Variants in FOXK1 observed in about 807,000 individuals in gnomAD.
FOXK1 encodes the protein forkhead box K1.
A neutral mutation model predicts 51.9 loss-of-function variants in FOXK1; 19 were observed. The ratio of observed to expected loss-of-function variants is 0.37; its 90% CI spans 0.26 to 0.54. The LOEUF (loss-of-function observed/expected upper bound fraction) is 0.54. Among genes scored for constraint, FOXK1 ranks in the 20% least tolerant of loss-of-function variants. FOXK1 has a pLI of 0.87. For synonymous variants in FOXK1, 537 were observed against 482.6 expected (o/e 1.11, Z -1.48); for missense variants, 870 against 1,032.7 (o/e 0.84, Z 2.16).
intron 1 of FOXK1, among the ~76,000 whole-genome samples, chr7:4,705,683 C>T (rs1479908294): frequency 6.6e-6 from 1 of 151,560 alleles, no homozygotes; most frequent in Admixed American, 6.6e-5. Flanking sequence ...ACTATACAGG[C>T]TTGTGCCACC....
At position 4,735,409 on chromosome 7, in the gene FOXK1, G is replaced by GT. The variant is rs1454859617; in HGVS notation, c.561-5425dup. Among the ~76,000 whole-genome samples the GT allele has an allele frequency of 6.6e-6, 1 of 152,196 alleles. No homozygotes were observed. Among genetic ancestry groups the GT allele is most frequent in the Non-Finnish European group, 1.5e-5 (1 of 68,040 alleles). ...ACCCTTTCCATTGTTCCAGTCCGTG[G>GT]TTTTCAGCGCATTCGCAGAGTTGCG... On this transcript the variant is annotated intron_variant, in intron 1 of 8. Transcript: ENST00000328914. The surrounding 1 kb of genome is among the most constrained non-coding windows in gnomAD (Gnocchi z 4.7).
intron 1 of FOXK1, among the ~76,000 whole-genome samples, chr7:4,728,747 A>AAG (rs1780412955): frequency 6.6e-6 from 1 of 151,266 alleles, no homozygotes; most frequent in Non-Finnish European, 1.5e-5. Flanking sequence ...AAAAAAAAAA[A>AAG]AAAAGAAAGA....
chr7:4,684,742 G>C lies in FOXK1; in HGVS notation c.560+1874G>C, dbSNP rs187792237. On this transcript the variant is annotated intron_variant, in intron 1 of 8. Coordinates refer to ENST00000328914, the MANE Select transcript of FOXK1 (RefSeq NM_001037165.2). ...CACTAAGTACTTCCATTAAAGTCTT[G>C]TTTTCAGGTTTCCTGCCCCTGCCGT... Among the ~76,000 whole-genome samples, 350 of 152,150 alleles carry C rather than the reference G, an allele frequency of 2.3e-3. 5 individuals carry two copies. Among genetic ancestry groups the C allele is most frequent in the Admixed American group, 0.02 (299 of 15,286 alleles).
At chr7:4,717,876 G>A (rs1009904986) in intron 1 of FOXK1, among the ~76,000 whole-genome samples, 4 of 152,172 alleles carry the variant, frequency 2.6e-5, no homozygotes, top group Non-Finnish European at 5.9e-5. Context: ...TTTGGGCTCT[G>A]GTCTCAGATT....
At chr7:4,712,184 C>T (rs1261358588) in intron 1 of FOXK1, among the ~76,000 whole-genome samples, 1 of 151,958 alleles carries the variant, frequency 6.6e-6, no homozygotes, top group Non-Finnish European at 1.5e-5. Flanking sequence ...CCCCGATGGT[C>T]GCCTCCCTGG....
chr7:4,728,670 C>A (rs1414979225), intron 1 of FOXK1, among the ~76,000 whole-genome samples: 2 of 134,480 alleles, frequency 1.5e-5, no homozygotes, highest in Non-Finnish European at 3.1e-5. Context: ...GCAGGAGGAT[C>A]ACTTGAGGCC....
rs760140862 is a variant in FOXK1, at chr7:4,730,626, C to T, written c.561-10212C>T. On this transcript the variant is annotated intron_variant, in intron 1 of 8. Transcript: ENST00000328914. This position sits in a 1 kb window ranked among gnomAD's most constrained non-coding sequence, Gnocchi z 4.7. ...TTTTCCAAAGCCGCCACACTTGAGA[C>T]GTCCTTGCTGCGGGTTCGTCTGTAA... Among the ~76,000 whole-genome samples, 1 of 152,176 alleles carries T rather than the reference C, an allele frequency of 6.6e-6. No individual in the cohort carries two copies. Among genetic ancestry groups the T allele is most frequent in the Non-Finnish European group, 1.5e-5 (1 of 68,034 alleles).
chr7:4,740,272 T>C (rs1161313464), intron 1 of FOXK1, among the ~76,000 whole-genome samples: 2 of 151,666 alleles, frequency 1.3e-5, no homozygotes, highest in African/African-American at 4.9e-5. Context: ...CTACTAAAAA[T>C]ATAAAAAATT....
chr7:4,701,684 G>C (rs1434269290), intron 1 of FOXK1, among the ~76,000 whole-genome samples: 1 of 152,198 alleles, frequency 6.6e-6, no homozygotes, highest in Non-Finnish European at 1.5e-5. Flanking sequence ...TGAGGGTCAG[G>C]AGATCAAGAC....
chr7:4,699,385 T>C (rs1328822700), intron 1 of FOXK1, among the ~76,000 whole-genome samples: 5 of 151,354 alleles, frequency 3.3e-5, no homozygotes, highest in Non-Finnish European at 7.4e-5. Context: ...GGTTTTTTTT[T>C]TTTTGAGACA....
chr7:4,726,186 A>T (rs945669121), intron 1 of FOXK1, among the ~76,000 whole-genome samples: 1 of 152,106 alleles, frequency 6.6e-6, no homozygotes, highest in Non-Finnish European at 1.5e-5. Context: ...GCAGTGAGGG[A>T]CAGGAGGCTT....
At chr7:4,759,787 T>C in intron 7 of FOXK1, 192 bp downstream of exon 7, 1 of 709,194 alleles carries the variant, frequency 1.4e-6, no homozygotes, top group Non-Finnish European at 2.3e-6. Context: ...TCCCAGTGCT[T>C]TGGGAGGCCA....
At chr7:4,704,831 A>ATTTTTTTTTTTTTTT (rs1780063109) in intron 1 of FOXK1, among the ~76,000 whole-genome samples, 2 of 111,980 alleles carry the variant, frequency 1.8e-5, no homozygotes, top group African/African-American at 1.2e-4. Flanking sequence ...TCTATGTTTC[A>ATTTTTTTTTTTTTTT]TTCTTTTTTT....
rs533711205 is a variant in FOXK1, at chr7:4,753,731, A to G, written c.747-728A>G. On this transcript the variant is annotated intron_variant, in intron 2 of 8. Transcript: ENST00000328914. This position sits in a 1 kb window ranked among gnomAD's most constrained non-coding sequence, Gnocchi z 4.9. ...GCCTGCCTTAGTGAGTTAGGGAAGC[A>G]GGCCAGAGCACACCCCTCAGCCGGA... Among the ~76,000 whole-genome samples, 28 of 152,304 alleles carry G rather than the reference A, an allele frequency of 1.8e-4. No homozygotes were observed. The highest frequency in any genetic ancestry group is 6.7e-4 in the African/African-American group (28 of 41,578).
rs1296490125 is a variant in FOXK1, at chr7:4,762,917, G to A, written c.*453G>A. Reference sequence around the variant, plus strand: ...AGGCCCGGGCACCGGACAGATGCCTGTTGGGAAGCCAGGAGCTGCCGAGCC... The same window carrying A: ...AGGCCCGGGCACCGGACAGATGCCTATTGGGAAGCCAGGAGCTGCCGAGCC... On this transcript the variant is annotated 3_prime_UTR_variant, in exon 9 of 9. Transcript: ENST00000328914. This position sits in a 1 kb window ranked among gnomAD's most constrained non-coding sequence, Gnocchi z 5.7. 6.1e-6 allele frequency: 1 copy of A among 163,470 alleles called. No homozygotes were observed. The highest frequency in any genetic ancestry group is 2.4e-5 in the African/African-American group (1 of 41,640). The allele number at this position is 163,470 out of a possible 1,614,324, so 10.1% of individuals were successfully genotyped here. A position where few individuals can be genotyped will look rare whatever the true frequency, so the allele number is the denominator to read the frequency against.
At chr7:4,725,092 G>A (rs147459866) in intron 1 of FOXK1, among the ~76,000 whole-genome samples, 523 of 152,360 alleles carry the variant, frequency 3.4e-3, no homozygotes, top group Non-Finnish European at 6.1e-3. Context: ...CACCCACAGC[G>A]TCCTCCGCGC....
In FOXK1 at chr7:4,764,860, G is replaced by C. The variant is rs1780989200; in HGVS notation, c.*2396G>C. On this transcript the variant is annotated 3_prime_UTR_variant, in exon 9 of 9. Transcript: ENST00000328914. ...TCGAGGTCGCCTTTTGGCCTGGTCT[G>C]CTCAGGCTGGCCCTGACCCACGTGG... 1.3e-5 allele frequency: 2 copies of C among 152,350 alleles called. No individual in the cohort carries two copies. The highest frequency in any genetic ancestry group is 4.1e-4 in the South Asian group (2 of 4,836). The allele number at this position is 152,350 out of a possible 1,614,324, so 9.4% of individuals were successfully genotyped here.
At chr7:4,759,682 G>T (rs1425967905) in intron 7 of FOXK1, 87 bp downstream of exon 7, 1 of 1,421,106 alleles carries the variant, frequency 7.0e-7, no homozygotes, top group East Asian at 2.5e-5. Context: ...ATTGGCCTGG[G>T]CCTGGGGCTT....
Position 4,762,117 on chromosome 7 carries a change from G to A in FOXK1, c.1922-67G>A, listed in dbSNP as rs1780940206. 4.7e-6 allele frequency: 7 copies of A among 1,495,498 alleles called. No homozygotes were observed. The highest frequency in any genetic ancestry group is 2.1e-5 in the Admixed American group (1 of 47,778). The allele number at this position is 1,495,498 out of a possible 1,614,324, so 92.6% of individuals were successfully genotyped here. A position where few individuals can be genotyped will look rare whatever the true frequency, so the allele number is the denominator to read the frequency against. ...GCTTGGTGGCTTAGCCCCTGTATAG[G>A]GGACTTGAAAAAAGCAGCTGGGTCC... On this transcript the variant is annotated intron_variant, in intron 8 of 8. Transcript: ENST00000328914. This position sits in a 1 kb window ranked among gnomAD's most constrained non-coding sequence, Gnocchi z 5.7.
Sources: allele counts gnomAD v4.1 joint callset (sites outside exome capture counted in the v4.1 genomes callset), GRCh38; gene constraint gnomAD v4.1.1; non-coding constraint Gnocchi (gnomAD v3.1); transcripts MANE v1.5; gene names NCBI Gene and HGNC (gene_info 2026-07-23, HGNC 2026-07-21).